The following SCNN1B variants were observed in gnomAD, a reference collection of about 807,000 sequenced individuals.
SCNN1B encodes epithelial sodium channel subunit beta.
In SCNN1B, 46 loss-of-function variants were observed where a neutral mutation model predicts 65.3. That is an observed-to-expected ratio of 0.70 (90% CI 0.56 to 0.90). SCNN1B has a LOEUF of 0.90. Among genes scored for constraint, SCNN1B ranks in the 40% least tolerant of loss-of-function variants. The probability of loss-of-function intolerance (pLI) is 0.00; values close to 1 mark genes in which losing one functional copy is unlikely to be tolerated. For missense variants in SCNN1B, 751 were observed against 830.5 expected (o/e 0.90, Z 1.18); for synonymous variants, 349 against 330.6 (o/e 1.06, Z -0.60).
intron 1 of SCNN1B, chr16:23,323,551 C>T (rs576810128): frequency 2.7e-5 from 19 of 702,874 alleles, no homozygotes; most frequent in African/African-American, 5.2e-5. Flanking sequence ...CCTCATTTTA[C>T]AGATGGGGAA....
At chr16:23,335,558 C>T (rs1326699703) in intron 1 of SCNN1B, among the ~76,000 whole-genome samples, 3 of 151,974 alleles carry the variant, frequency 2.0e-5, no homozygotes, top group African/African-American at 7.3e-5. Flanking sequence ...AGCGATTCTC[C>T]TGCCTCAGCC....
At chr16:23,321,128 G>A (rs182568443) in intron 1 of SCNN1B, among the ~76,000 whole-genome samples, 195 of 152,242 alleles carry the variant, frequency 1.3e-3, no homozygotes, top group African/African-American at 4.4e-3. Context: ...TGCAACCTCC[G>A]TCTCCTGGGT....
intron 7 of SCNN1B, among the ~76,000 whole-genome samples, chr16:23,375,300 A>T (rs1006154249): frequency 2.0e-5 from 3 of 152,132 alleles, no homozygotes; most frequent in Non-Finnish European, 2.9e-5. Flanking sequence ...TCTGGGAGGA[A>T]GGAGCACAGA....
intron 1 of SCNN1B, among the ~76,000 whole-genome samples, chr16:23,342,811 G>T (rs1215548836): frequency 6.6e-6 from 1 of 152,210 alleles, no homozygotes; most frequent in African/African-American, 2.4e-5. Context: ...GGCAAATCTA[G>T]AGAGACAGAG....
intron 1 of SCNN1B, among the ~76,000 whole-genome samples, chr16:23,309,315 G>C (rs1423684102): frequency 6.6e-6 from 1 of 152,018 alleles, no homozygotes; most frequent in African/African-American, 2.4e-5. Context: ...GACAGCTGAA[G>C]ACCTGCTCCC....
In SCNN1B at chr16:23,380,063, T is replaced by G. The variant is rs1459536912; in HGVS notation, c.1467-31T>G. ...CTGTCTGTTTGGAAGGGGGATACAT[T>G]AGTCCCGGCCCTTCTCGCTGCCTCC... is the stretch of plus-strand genomic sequence containing the variant. On this transcript the variant is annotated intron_variant, in intron 11 of 12. Transcript: ENST00000343070. The surrounding 1 kb of genome is among the most constrained non-coding windows in gnomAD (Gnocchi z 5.4). 6.4e-7 allele frequency: 1 copy of G among 1,554,498 alleles called. No individual in the cohort carries two copies. The highest frequency in any genetic ancestry group is 1.7e-5 in the Admixed American group (1 of 59,936).
In SCNN1B at chr16:23,323,232, G is replaced by A. The variant is rs1961624932; in HGVS notation, c.-9+20795G>A. Among the ~76,000 whole-genome samples, 6 of 152,102 alleles carry A rather than the reference G, an allele frequency of 3.9e-5. No individual in the cohort carries two copies. The South Asian group carries it at 1.2e-3, about 32-fold the overall frequency. On this transcript the variant is annotated intron_variant, in intron 1 of 12. Transcript: ENST00000343070. ...AAAAAAAACTGGGGCTACGGAGGAG[G>A]GAGGATGACCTCCATTCACAGAGGA...
intron 4 of SCNN1B, among the ~76,000 whole-genome samples, chr16:23,365,159 G>A (rs1962622657): frequency 6.6e-6 from 1 of 151,846 alleles, no homozygotes; most frequent in Non-Finnish European, 1.5e-5. Flanking sequence ...GGGCGTGATG[G>A]TGCCTGCCTG....
At chr16:23,361,412 G>C (rs982251305) in intron 4 of SCNN1B, among the ~76,000 whole-genome samples, 1 of 152,226 alleles carries the variant, frequency 6.6e-6, no homozygotes, top group Non-Finnish European at 1.5e-5. Context: ...TACGCTCAGG[G>C]GAAGGGGAAG....
chr16:23,308,229 A>C (rs1961262368), intron 1 of SCNN1B, among the ~76,000 whole-genome samples: 1 of 152,024 alleles, frequency 6.6e-6, no homozygotes, highest in Non-Finnish European at 1.5e-5. Flanking sequence ...AAAGAAAGAC[A>C]TGCAGAGTAC....
chr16:23,375,399 C>A (rs979050947), intron 7 of SCNN1B, among the ~76,000 whole-genome samples: 1 of 152,130 alleles, frequency 6.6e-6, no homozygotes, highest in African/African-American at 2.4e-5. Context: ...AATGAGAGCT[C>A]TCTGAGCATT....
At chr16:23,313,585 A>G (rs1961389288) in intron 1 of SCNN1B, among the ~76,000 whole-genome samples, 1 of 152,148 alleles carries the variant, frequency 6.6e-6, no homozygotes, top group Non-Finnish European at 1.5e-5. Flanking sequence ...CAGTATAATA[A>G]TAAAAATAAG....
At chr16:23,355,968 A>C (rs529185813) in intron 4 of SCNN1B, among the ~76,000 whole-genome samples, 4 of 152,140 alleles carry the variant, frequency 2.6e-5, no homozygotes, top group Non-Finnish European at 5.9e-5. Context: ...GAAGGAGGAA[A>C]AAGTTAAACA....
intron 1 of SCNN1B, among the ~76,000 whole-genome samples, chr16:23,282,380 C>T (rs151091339): frequency 1.3e-5 from 2 of 152,308 alleles, no homozygotes; most frequent in African/African-American, 4.8e-5. Flanking sequence ...ACAACAATAA[C>T]ATGAGATAGG....
At chr16:23,320,646 G>T (rs539237549) in intron 1 of SCNN1B, among the ~76,000 whole-genome samples, 3 of 152,306 alleles carry the variant, frequency 2.0e-5, no homozygotes, top group African/African-American at 7.2e-5. Flanking sequence ...CATTCCAGGG[G>T]GTTCTGATCC....
At chr16:23,315,904 A>G (rs1961443739) in intron 1 of SCNN1B, among the ~76,000 whole-genome samples, 1 of 152,074 alleles carries the variant, frequency 6.6e-6, no homozygotes, top group Non-Finnish European at 1.5e-5. Flanking sequence ...TACCATCACC[A>G]TCATCATCAC....
At chr16:23,290,397 T>A (rs1242961227) in intron 2 of SCNN1B, among the ~76,000 whole-genome samples, 1 of 152,180 alleles carries the variant, frequency 6.6e-6, no homozygotes, top group Non-Finnish European at 1.5e-5. Context: ...AGCCTCAACC[T>A]CCTGGGCTCA....
chr16:23,322,591 G>A (rs562663530), intron 1 of SCNN1B, among the ~76,000 whole-genome samples: 414 of 152,106 alleles, frequency 2.7e-3, no homozygotes, highest in African/African-American at 9.7e-3. Flanking sequence ...CATTACAGGC[G>A]TGAGCCACTA....
At chr16:23,377,594 C>CCTTCCTTCCTTCCTTCTTT (rs1257449811) in intron 10 of SCNN1B, among the ~76,000 whole-genome samples, 3 of 137,776 alleles carry the variant, frequency 2.2e-5, no homozygotes, top group African/African-American at 9.4e-5. Flanking sequence ...CTCCCTTCTC[C>CCTTCCTTCCTTCCTTCTTT]CTTCCTTCCT....
Sources: allele counts gnomAD v4.1 joint callset (sites outside exome capture counted in the v4.1 genomes callset), GRCh38; gene constraint gnomAD v4.1.1; non-coding constraint Gnocchi (gnomAD v3.1); transcripts MANE v1.5; gene names NCBI Gene and HGNC (gene_info 2026-07-23, HGNC 2026-07-21).